ELP3: variants seen among roughly 807,000 people sequenced by gnomAD.
ELP3 encodes elongator complex protein 3.
Under a neutral mutation model 74.9 loss-of-function variants are expected in ELP3, and 56 were observed. The observed-to-expected ratio is 0.75, with a 90% CI of 0.60 to 0.93. The LOEUF (loss-of-function observed/expected upper bound fraction) is 0.93, where lower values mean the gene tolerates loss of function less well. Ranked by LOEUF, ELP3 falls within the 40% of genes least tolerant of loss-of-function variation. ELP3 has a pLI of 0.00. For synonymous variants in ELP3, 222 were observed against 239.8 expected (o/e 0.93, Z 0.68); for missense variants, 573 against 686.5 (o/e 0.83, Z 1.85).
chr8:28,159,409 A>G (rs75111346), intron 12 of ELP3, among the ~76,000 whole-genome samples: 3,805 of 152,272 alleles, frequency 0.025, 179 homozygotes, highest in African/African-American at 0.087. Context: ...CTGTTCAGTT[A>G]TTTAGCAAAC....
At chr8:28,139,721 G>A (rs928234962) in intron 10 of ELP3, among the ~76,000 whole-genome samples, 4 of 152,118 alleles carry the variant, frequency 2.6e-5, no homozygotes, top group Non-Finnish European at 5.9e-5. Context: ...GAAGTGGGCG[G>A]ATTACCTGAG....
intron 10 of ELP3, among the ~76,000 whole-genome samples, chr8:28,154,799 A>G (rs1354149025): frequency 6.6e-6 from 1 of 152,206 alleles, no homozygotes; most frequent in African/African-American, 2.4e-5. Flanking sequence ...TAAGTAAGCC[A>G]TATATGCTAA....
chr8:28,119,408 G>C (rs570652704), intron 7 of ELP3, among the ~76,000 whole-genome samples: 1 of 151,662 alleles, frequency 6.6e-6, no homozygotes, highest in South Asian at 2.1e-4. Flanking sequence ...TGTCTCTCGC[G>C]TGTGCTTGCG....
rs1563297631 is a variant in ELP3 at position 28,189,651 on chromosome 8, G to A, written c.1570G>A (p.Val524Ile). Reference sequence around the variant, plus strand: ...TTTTAACTTCGATTTTTCTGCAGGGGTCGGCACCAGGAATTATTATAGAAA... The same window carrying A: ...TTTTAACTTCGATTTTTCTGCAGGGATCGGCACCAGGAATTATTATAGAAA... ...GSGKIAVISG[V>I]GTRNYYRKIG... The change falls in exon 15 of 15, where the codon GTC becomes ATC. Residue 524 changes from valine (V) to isoleucine (I), a missense_variant and splice_region_variant. Physicochemically the swap from Val to Ile is conservative, Grantham distance 29. Coordinates refer to ENST00000256398, the MANE Select transcript of ELP3 (RefSeq NM_018091.6). 1 of 1,614,026 alleles carries A rather than the reference G, an allele frequency of 6.2e-7. No individual in the cohort carries two copies. Among genetic ancestry groups the A allele is most frequent in the Non-Finnish European group, 8.5e-7 (1 of 1,179,932 alleles).
intron 10 of ELP3, among the ~76,000 whole-genome samples, chr8:28,140,688 G>T (rs1813202289): frequency 3.3e-5 from 5 of 152,118 alleles, no homozygotes; most frequent in African/African-American, 1.2e-4. Flanking sequence ...TCTGTTTCAT[G>T]CCATGTTTTT....
chr8:28,153,667 G>C (rs1813720819), intron 10 of ELP3, among the ~76,000 whole-genome samples: 1 of 152,058 alleles, frequency 6.6e-6, no homozygotes, highest in Non-Finnish European at 1.5e-5. Flanking sequence ...CTGTGGGCTG[G>C]GTAGGCTCCG....
At chr8:28,146,767 G>T (rs1364625626) in intron 10 of ELP3, among the ~76,000 whole-genome samples, 1 of 152,130 alleles carries the variant, frequency 6.6e-6, no homozygotes, top group East Asian at 1.9e-4. Context: ...ACTGAAACTG[G>T]CAATTACCAC....
intron 7 of ELP3, among the ~76,000 whole-genome samples, chr8:28,126,821 G>A (rs929343786): frequency 1.3e-5 from 2 of 152,228 alleles, no homozygotes; most frequent in African/African-American, 2.4e-5. Context: ...TCTGTTAAAT[G>A]AAGAATCAGA....
intron 7 of ELP3, among the ~76,000 whole-genome samples, chr8:28,117,091 C>T (rs1812170271): frequency 6.6e-6 from 1 of 152,030 alleles, no homozygotes; most frequent in African/African-American, 2.4e-5. Context: ...GTCTTCTTAT[C>T]TTGAAGACCT....
intron 14 of ELP3, among the ~76,000 whole-genome samples, chr8:28,164,171 C>G (rs1814216014): frequency 6.6e-6 from 1 of 152,140 alleles, no homozygotes; most frequent in African/African-American, 2.4e-5. Context: ...TACACTGTTG[C>G]ATGCAGAGAG....
intron 7 of ELP3, among the ~76,000 whole-genome samples, chr8:28,114,845 A>T (rs4732622): frequency 0.59 from 89,203 of 152,020 alleles, 28,149 homozygotes; most frequent in East Asian, 0.92. Context: ...GGAAGTGGCA[A>T]GTTCTGGTTA....
intron 8 of ELP3, among the ~76,000 whole-genome samples, chr8:28,130,000 G>A (rs1020519499): frequency 6.6e-6 from 1 of 152,178 alleles, no homozygotes; most frequent in African/African-American, 2.4e-5. Context: ...AAAGAAAAGA[G>A]TTTGAATAAA....
chr8:28,161,686 G>C (rs1005149913), intron 13 of ELP3, among the ~76,000 whole-genome samples: 3 of 151,396 alleles, frequency 2.0e-5, no homozygotes, highest in African/African-American at 7.3e-5. Context: ...ATCATTTAGA[G>C]ATTGCCTAGA....
chr8:28,132,205 AC>A (rs757726055), intron 8 of ELP3, 72 bp from the exon 9 acceptor site: 371 of 1,516,444 alleles, frequency 2.4e-4, no homozygotes, highest in Non-Finnish European at 3.0e-4. Flanking sequence ...TAACTTTGTC[AC>A]CCATTTATTT....
At chr8:28,146,668 C>G (rs527341122) in intron 10 of ELP3, among the ~76,000 whole-genome samples, 1 of 152,282 alleles carries the variant, frequency 6.6e-6, no homozygotes, top group South Asian at 2.1e-4. Context: ...TTATATAGTC[C>G]AGATTGCTTA....
chr8:28,104,105 C>T (rs1811594855), intron 3 of ELP3, among the ~76,000 whole-genome samples: 1 of 152,208 alleles, frequency 6.6e-6, no homozygotes, highest in Non-Finnish European at 1.5e-5. Flanking sequence ...TCCCTAATGA[C>T]ATGATGTTGA....
In ELP3 at chr8:28,159,834, AACCATTGAAC is replaced by A. The variant is rs201003965; in HGVS notation, c.1258-391_1258-382del. Among the ~76,000 whole-genome samples the A allele has an allele frequency of 3.1e-3, 471 of 152,312 alleles. 9 individuals are homozygous for A. Among genetic ancestry groups the A allele is most frequent in the East Asian group, 0.026 (132 of 5,174 alleles). On this transcript the variant is annotated intron_variant, in intron 12 of 14. Transcript: ENST00000256398. Reference sequence around the variant, plus strand: ...GATAAGGACTAGAAGATGAAACCCAAACCATTGAACACCTGACAGTTTTGAGACAAAGGGG... The same window carrying A: ...GATAAGGACTAGAAGATGAAACCCAAACCTGACAGTTTTGAGACAAAGGGG...
upstream of ELP3, chr8:28,092,834 C>A: frequency 3.7e-6 from 1 of 271,264 alleles, no homozygotes; most frequent in Non-Finnish European, 7.3e-6. Flanking sequence ...CCACTCCCCC[C>A]CATGAGAGAC....
intron 7 of ELP3, among the ~76,000 whole-genome samples, chr8:28,120,259 T>A (rs540982734): frequency 2.0e-5 from 3 of 152,316 alleles, no homozygotes; most frequent in African/African-American, 7.2e-5. Flanking sequence ...TAGTCACTCT[T>A]TTTAATTTTA....
Sources: gnomAD v4.1 joint callset for allele counts (sites outside exome capture counted in the v4.1 genomes callset) on GRCh38, gnomAD v4.1.1 for gene constraint, MANE v1.5 for transcripts, NCBI Gene and HGNC (gene_info 2026-07-23, HGNC 2026-07-21) for gene names.